The following CLSTN2 variants were observed in gnomAD, a reference collection of about 807,000 sequenced individuals.
CLSTN2 encodes the protein calsyntenin 2.
CLSTN2 carries 48 observed loss-of-function variants against 101.2 expected under a neutral mutation model. The observed-to-expected ratio is 0.47, with a 90% confidence interval of 0.38 to 0.60. The LOEUF is 0.60. Ranked by LOEUF, CLSTN2 falls within the 20% of genes least tolerant of loss-of-function variation. The pLI, the probability that CLSTN2 is intolerant of heterozygous loss-of-function variation, is 0.00. For missense variants in CLSTN2, 1,160 were observed against 1,238.2 expected (o/e 0.94, Z 0.95); for synonymous variants, 481 against 463.6 (o/e 1.04, Z -0.48).
intron 9 of CLSTN2, 40 bp from the exon 10 acceptor site, chr3:140,546,475 C>A: frequency 6.2e-7 from 1 of 1,600,228 alleles, no homozygotes; most frequent in Non-Finnish European, 8.5e-7. Flanking sequence ...TGTTTCCTAC[C>A]CAGTCTTCAC....
chr3:140,050,416 A>C (rs1434303130), intron 1 of CLSTN2, among the ~76,000 whole-genome samples: 2 of 152,212 alleles, frequency 1.3e-5, no homozygotes, highest in African/African-American at 4.8e-5. Context: ...ATGTTAAGGG[A>C]TACCAGAAAG....
chr3:140,355,683 G>T (rs1448555833), intron 2 of CLSTN2, among the ~76,000 whole-genome samples: 4 of 152,220 alleles, frequency 2.6e-5, no homozygotes, highest in Non-Finnish European at 5.9e-5. Flanking sequence ...GCATGGGGAA[G>T]TGACTAAGAA....
chr3:140,011,387 G>C (rs1447896823), intron 1 of CLSTN2, among the ~76,000 whole-genome samples: 1 of 152,092 alleles, frequency 6.6e-6, no homozygotes, highest in Non-Finnish European at 1.5e-5. Flanking sequence ...TCTCTTCCAG[G>C]ACATGAAACC....
At chr3:140,467,034 C>T (rs938473880) in intron 8 of CLSTN2, among the ~76,000 whole-genome samples, 2 of 152,200 alleles carry the variant, frequency 1.3e-5, no homozygotes, top group Non-Finnish European at 2.9e-5. Context: ...TCCTGATCCC[C>T]AGGCCCAGTT....
chr3:140,304,610 T>G (rs1254799115), intron 2 of CLSTN2, among the ~76,000 whole-genome samples: 1 of 152,234 alleles, frequency 6.6e-6, no homozygotes, highest in Non-Finnish European at 1.5e-5. Flanking sequence ...TATTGGGAGC[T>G]AGGGCTTCAA....
At chr3:140,185,313 G>C (rs1048653381) in intron 2 of CLSTN2, among the ~76,000 whole-genome samples, 4 of 152,012 alleles carry the variant, frequency 2.6e-5, no homozygotes, top group African/African-American at 9.7e-5. Context: ...TTTATACAAT[G>C]AATCAGGAAA....
At chr3:140,416,210 G>A (rs1265638706) in intron 4 of CLSTN2, among the ~76,000 whole-genome samples, 1 of 152,146 alleles carries the variant, frequency 6.6e-6, no homozygotes, top group Non-Finnish European at 1.5e-5. Context: ...TAGGGAGGGA[G>A]TGGAGGAAAA....
At chr3:140,408,675 C>CAAA (rs1339222832) in intron 4 of CLSTN2, among the ~76,000 whole-genome samples, 1 of 152,166 alleles carries the variant, frequency 6.6e-6, no homozygotes, top group Non-Finnish European at 1.5e-5. Flanking sequence ...CTCTCTTCTT[C>CAAA]CCCTCTCCCC....
rs140031363 is a variant in CLSTN2, at chr3:140,054,293, C to T, written c.109+118810C>T. Among the ~76,000 whole-genome samples the T allele has an allele frequency of 1.3e-4, 20 of 152,242 alleles. No homozygotes were observed. In the East Asian group the frequency reaches 2.9e-3, roughly 22 times the overall value. ...ATCTTATACTGTCATTTTTAAGATG[C>T]GTTTGCTTAACCCTAAGTAACAGGC... is the stretch of plus-strand genomic sequence containing the variant. On this transcript the variant is annotated intron_variant, in intron 1 of 16. Coordinates refer to ENST00000458420, the MANE Select transcript of CLSTN2 (RefSeq NM_022131.3).
chr3:140,161,894 G>A (rs73226954), intron 1 of CLSTN2, among the ~76,000 whole-genome samples: 252 of 152,098 alleles, frequency 1.7e-3, no homozygotes, highest in Non-Finnish European at 2.9e-3. Flanking sequence ...TATTGCATTA[G>A]CAATTTAAAC....
At chr3:140,409,043 G>T (rs933558853) in intron 4 of CLSTN2, among the ~76,000 whole-genome samples, 1 of 152,210 alleles carries the variant, frequency 6.6e-6, no homozygotes, top group Non-Finnish European at 1.5e-5. Context: ...CTTCCAGCTT[G>T]ATCCCCATAG....
chr3:140,111,863 C>G (rs988622673), intron 1 of CLSTN2, among the ~76,000 whole-genome samples: 2 of 152,162 alleles, frequency 1.3e-5, no homozygotes, highest in Non-Finnish European at 2.9e-5. Flanking sequence ...ATTTTTAGAA[C>G]ATCCCTGGAA....
intron 2 of CLSTN2, among the ~76,000 whole-genome samples, chr3:140,227,137 A>C (rs1172929105): frequency 6.6e-6 from 1 of 152,190 alleles, no homozygotes; most frequent in African/African-American, 2.4e-5. Flanking sequence ...CACAGTCCAA[A>C]GTCTCATTCA....
At chr3:140,328,357 A>C (rs1241054878) in intron 2 of CLSTN2, among the ~76,000 whole-genome samples, 1 of 152,160 alleles carries the variant, frequency 6.6e-6, no homozygotes, top group Non-Finnish European at 1.5e-5. Context: ...CACCCTCCAC[A>C]CAGAATGTTA....
intron 1 of CLSTN2, among the ~76,000 whole-genome samples, chr3:140,031,590 C>T (rs528569009): frequency 6.6e-6 from 1 of 152,324 alleles, no homozygotes; most frequent in African/African-American, 2.4e-5. Flanking sequence ...TTTGGAGATA[C>T]ATCCTAGTTT....
chr3:140,357,822 G>A (rs901883164), intron 2 of CLSTN2, among the ~76,000 whole-genome samples: 7 of 152,170 alleles, frequency 4.6e-5, no homozygotes, highest in African/African-American at 1.4e-4. Flanking sequence ...ATATGTTCTA[G>A]TCAGCTCCAA....
chr3:139,951,413 T>TG, intron 1 of CLSTN2, among the ~76,000 whole-genome samples: 1 of 152,314 alleles, frequency 6.6e-6, no homozygotes, highest in Admixed American at 6.5e-5. Flanking sequence ...AGGGTCTCCC[T>TG]GGTGGGGGAT....
At chr3:139,946,223 T>C (rs922870214) in intron 1 of CLSTN2, among the ~76,000 whole-genome samples, 38 of 152,240 alleles carry the variant, frequency 2.5e-4, no homozygotes, top group African/African-American at 8.9e-4. Context: ...CATGGGTACA[T>C]ATCCATGCTT....
intron 7 of CLSTN2, among the ~76,000 whole-genome samples, chr3:140,464,074 T>C (rs1297455854): frequency 6.6e-6 from 1 of 152,168 alleles, no homozygotes; most frequent in African/African-American, 2.4e-5. Flanking sequence ...GAGGTGAAGA[T>C]GGCAATTTGG....
Sources: gnomAD v4.1 joint callset for allele counts (sites outside exome capture counted in the v4.1 genomes callset) on GRCh38, gnomAD v4.1.1 for gene constraint, MANE v1.5 for transcripts, NCBI Gene and HGNC (gene_info 2026-07-23, HGNC 2026-07-21) for gene names.